The following OAF variants were observed in gnomAD, a reference collection of about 807,000 sequenced individuals.
OAF encodes out at first protein homolog.
A neutral mutation model predicts 22.5 loss-of-function variants in OAF; 13 were observed. The ratio of observed to expected loss-of-function variants is 0.58; its 90% CI spans 0.38 to 0.92. The LOEUF is 0.92. OAF is among the 40% of genes least tolerant of loss of function. The pLI is 0.00. For synonymous variants in OAF, 175 were observed against 170.5 expected, an observed-to-expected ratio of 1.03 and a Z score of -0.21; for missense variants, 347 against 381.8, an observed-to-expected ratio of 0.91 and a Z score of 0.76.
intron 3 of OAF, 109 bp from the exon 4 acceptor site, chr11:120,228,759 C>T: frequency 1.2e-6 from 1 of 825,268 alleles, no homozygotes; most frequent in Non-Finnish European, 1.9e-6. Flanking sequence ...CTGTAAATGC[C>T]TGTGGGATGA....
At chr11:120,213,185 A>G (rs915472613) in intron 1 of OAF, among the ~76,000 whole-genome samples, 1 of 151,914 alleles carries the variant, frequency 6.6e-6, no homozygotes, top group Admixed American at 6.6e-5. Context: ...GCCTTTAGCT[A>G]CATCTGGAAG....
chr11:120,212,027 G>C (rs547869405), intron 1 of OAF, among the ~76,000 whole-genome samples: 1 of 152,298 alleles, frequency 6.6e-6, no homozygotes, highest in Non-Finnish European at 1.5e-5. Flanking sequence ...TTTCTGGGGA[G>C]AGCTGGTTGC....
chr11:120,217,715 G>C (rs1032554445), intron 1 of OAF, among the ~76,000 whole-genome samples: 2 of 152,220 alleles, frequency 1.3e-5, no homozygotes, highest in Non-Finnish European at 2.9e-5. Context: ...CGGTACACCA[G>C]AGACAACAGT....
intron 1 of OAF, among the ~76,000 whole-genome samples, chr11:120,216,020 A>G (rs1445565484): frequency 2.0e-5 from 3 of 152,170 alleles, no homozygotes; most frequent in Admixed American, 6.5e-5. Flanking sequence ...GGAATAAGCA[A>G]GATAAGGGGA....
chr11:120,211,521 C>G lies in OAF; in HGVS notation c.231+11C>G. On this transcript the variant is annotated intron_variant, in intron 1 of 3. Transcript: ENST00000328965. ...GCCGACTTCAAGAAGGTGAGGCGCC[C>G]TCACTCGCCGGGGTGGCACCTTCAA... 7.0e-7 allele frequency: 1 copy of G among 1,436,992 alleles called. No individual in the cohort carries two copies. Among genetic ancestry groups the G allele is most frequent in the Non-Finnish European group, 9.2e-7 (1 of 1,086,016 alleles). 89.0% of individuals were successfully genotyped at this position (1,436,992 alleles called of 1,614,324 possible).
chr11:120,222,561 GAAA>G (rs1284462804), intron 1 of OAF, among the ~76,000 whole-genome samples: 1 of 121,316 alleles, frequency 8.2e-6, no homozygotes, highest in African/African-American at 3.0e-5. Context: ...GTCTCCAAAA[GAAA>G]AAAAAAAAAA....
rs188925915 is a variant in OAF at position 120,223,111 on chromosome 11, C to T, written c.232-2550C>T. On this transcript the variant is annotated intron_variant, in intron 1 of 3. Coordinates refer to ENST00000328965, the MANE Select transcript of OAF (RefSeq NM_178507.4). ...GCCGCCAGATGGGCATGATGGGGAG[C>T]GGGTCCTAATCCCACCTCTGCTGCT... is the stretch of plus-strand genomic sequence containing the variant. Among the ~76,000 whole-genome samples, 322 of 152,308 alleles carry T rather than the reference C, an allele frequency of 2.1e-3. 1 individual carries two copies. The highest frequency in any genetic ancestry group is 0.01 in the Middle Eastern group (3 of 294).
Position 120,226,826 on chromosome 11 carries a change from G to C in OAF, c.377G>C (p.Arg126Pro). 6.3e-7 allele frequency: 1 copy of C among 1,596,836 alleles called. No individual in the cohort carries two copies. Among genetic ancestry groups the C allele is most frequent in the Non-Finnish European group, 8.6e-7 (1 of 1,167,148 alleles). Residue 126 changes from arginine to proline, a missense_variant, in exon 3 of 4, where the codon CGG becomes CCG. Physicochemically the swap from Arg to Pro is moderately radical, Grantham distance 103. Coordinates refer to ENST00000328965, the MANE Select transcript of OAF (RefSeq NM_178507.4). ...CTCTCCCACACACAGAAAAATCCCC[G>C]GGCAGTGCGGCAGGCGGAGGAGGTT... ...AMAKLRQKNP[R>P]AVRQAEEVRG...
chr11:120,221,918 C>G (rs1456224367), intron 1 of OAF, among the ~76,000 whole-genome samples: 2 of 152,196 alleles, frequency 1.3e-5, no homozygotes, highest in Non-Finnish European at 2.9e-5. Flanking sequence ...GCCTCAGGAG[C>G]CTGCCTGCAG....
intron 1 of OAF, among the ~76,000 whole-genome samples, chr11:120,213,386 A>C (rs1473412089): frequency 6.6e-6 from 1 of 152,170 alleles, no homozygotes; most frequent in African/African-American, 2.4e-5. Context: ...ACAGTGGTTC[A>C]GACCTCCACC....
intron 3 of OAF, among the ~76,000 whole-genome samples, chr11:120,227,681 C>A (rs143989712): frequency 6.6e-6 from 1 of 152,136 alleles, no homozygotes; most frequent in African/African-American, 2.4e-5. Context: ...TTTCCAGGAC[C>A]GCCCTCAGGT....
intron 1 of OAF, among the ~76,000 whole-genome samples, chr11:120,223,859 G>T (rs1206523897): frequency 1.3e-5 from 2 of 152,200 alleles, no homozygotes; most frequent in Non-Finnish European, 2.9e-5. Flanking sequence ...TCCTGCCAGG[G>T]ACATGGCCTG....
chr11:120,212,792 G>A (rs952489349), intron 1 of OAF, among the ~76,000 whole-genome samples: 1 of 148,780 alleles, frequency 6.7e-6, no homozygotes, highest in African/African-American at 2.5e-5. Flanking sequence ...CCAGGGCCAC[G>A]GAGTTGGCAC....
At chr11:120,211,789 G>C (rs1025862907) in intron 1 of OAF, among the ~76,000 whole-genome samples, 10 of 152,120 alleles carry the variant, frequency 6.6e-5, no homozygotes, top group Admixed American at 4.6e-4. Context: ...CTAACGACTG[G>C]ACTCCCTTCT....
intron 1 of OAF, among the ~76,000 whole-genome samples, chr11:120,214,740 A>G (rs2135089563): frequency 6.6e-6 from 1 of 152,340 alleles, no homozygotes; most frequent in South Asian, 2.1e-4. Context: ...CTGGACCTTG[A>G]CGCAGCAAAG....
rs932798556 is a variant in OAF, at chr11:120,225,815, T to A, written c.366+20T>A. ...CGGCAGGTAAGTGCCCCACCAGGCC[T>A]GCCTGGCCCAGGTCCTGACCCGCAG... On this transcript the variant is annotated intron_variant, in intron 2 of 3. Coordinates refer to ENST00000328965, the MANE Select transcript of OAF (RefSeq NM_178507.4). 5 of 1,589,110 alleles carry A rather than the reference T, an allele frequency of 3.1e-6. No individual in the cohort carries two copies. Among genetic ancestry groups the A allele is most frequent in the Non-Finnish European group, 4.3e-6 (5 of 1,170,054 alleles).
In OAF at chr11:120,228,987, G is replaced by A; in HGVS notation, c.667G>A (p.Ala223Thr). The part of the protein sequence containing the change: ...PCVCRYGLSL[A>T]WYPCMLKYCH... Reference sequence around the variant, plus strand: ...CGTCTGCCGCTATGGCCTGAGCCTGGCCTGGTACCCCTGCATGCTCAAGTA... The same window carrying A: ...CGTCTGCCGCTATGGCCTGAGCCTGACCTGGTACCCCTGCATGCTCAAGTA... The change falls in exon 4 of 4, where the codon GCC becomes ACC. Residue 223 changes from alanine to threonine, a missense_variant. Physicochemically the swap from Ala to Thr is moderately conservative, Grantham distance 58. Transcript: ENST00000328965. 6.2e-7 allele frequency: 1 copy of A among 1,613,334 alleles called. No individual in the cohort carries two copies.
Position 120,226,983 on chromosome 11 carries a change from C to T in OAF, c.534C>T (p.Phe178=). The change falls in exon 3 of 4, where the codon TTC becomes TTT. Residue 178 remains phenylalanine (F), a synonymous_variant. Transcript: ENST00000328965. ...ACACCCGCCAGGAGGATGTCCGGTT[C>T]TGGCTGGAGCAAGGTCAGCTGGGAG... The part of the protein sequence containing the change: ...AIYTRQEDVR[F]WLEQGVDSSV... 6.3e-7 allele frequency: 1 copy of T among 1,596,296 alleles called. No homozygotes were observed.
In OAF at chr11:120,226,996, G is replaced by T; in HGVS notation, c.547G>T (p.Gly183Cys). The stretch of plus-strand genomic sequence containing the variant: ...GGATGTCCGGTTCTGGCTGGAGCAA[G>T]GTCAGCTGGGAGCTGGGCACTGCCC... ...QEDVRFWLEQ[G>C]VDSSVFEALP... The change falls in exon 3 of 4, where the codon GGT becomes TGT. Residue 183 changes from glycine (G) to cysteine (C), a missense_variant and splice_region_variant. Coordinates refer to ENST00000328965, the MANE Select transcript of OAF (RefSeq NM_178507.4). 6.3e-7 allele frequency: 1 copy of T among 1,591,500 alleles called. No homozygotes were observed. The highest frequency in any genetic ancestry group is 1.3e-5 in the African/African-American group (1 of 74,742).
Sources: allele counts gnomAD v4.1 joint callset (sites outside exome capture counted in the v4.1 genomes callset), GRCh38; gene constraint gnomAD v4.1.1; transcripts MANE v1.5; gene names NCBI Gene and HGNC (gene_info 2026-07-23, HGNC 2026-07-21).